Variants in PTPRO observed in about 807,000 individuals in gnomAD.
The protein encoded by PTPRO is receptor-type tyrosine-protein phosphatase O.
A neutral mutation model predicts 145.2 loss-of-function variants in PTPRO; 62 were observed. That is an observed-to-expected ratio of 0.43 (90% confidence interval 0.35 to 0.53). PTPRO has a LOEUF of 0.53. PTPRO is among the 20% of genes least tolerant of loss of function. PTPRO has a pLI of 0.01. For synonymous variants in PTPRO, 565 were observed against 514.7 expected (o/e 1.10, Z -1.32); for missense variants, 1,345 against 1,482.7 (o/e 0.91, Z 1.53).
At chr12:15,550,597 C>A (rs1210952444) in intron 14 of PTPRO, among the ~76,000 whole-genome samples, 1 of 152,138 alleles carries the variant, frequency 6.6e-6, no homozygotes, top group East Asian at 1.9e-4. Context: ...TGGCTTCTCT[C>A]CAAATAGCAG....
intron 1 of PTPRO, among the ~76,000 whole-genome samples, chr12:15,343,989 TAAAC>T (rs1158609905): frequency 6.6e-6 from 1 of 152,210 alleles, no homozygotes. Context: ...CGGCCATAAA[TAAAC>T]AATCTTTTTA....
At chr12:15,338,627 C>T (rs558690963) in intron 1 of PTPRO, among the ~76,000 whole-genome samples, 1 of 151,962 alleles carries the variant, frequency 6.6e-6, no homozygotes, top group South Asian at 2.1e-4. Context: ...TTCAGAGAAT[C>T]AGATAAAAAA....
intron 12 of PTPRO, among the ~76,000 whole-genome samples, chr12:15,545,241 C>G (rs1374579369): frequency 6.6e-6 from 1 of 151,752 alleles, no homozygotes; most frequent in Non-Finnish European, 1.5e-5. Flanking sequence ...AATGAAAAAT[C>G]CAAGTAACAA....
intron 1 of PTPRO, among the ~76,000 whole-genome samples, chr12:15,337,127 C>G (rs1420790790): frequency 6.6e-6 from 1 of 152,070 alleles, no homozygotes; most frequent in East Asian, 1.9e-4. Flanking sequence ...CAAGAAGAAA[C>G]GTTTTGTAGG....
At chr12:15,455,381 G>A (rs1941150643) in intron 1 of PTPRO, among the ~76,000 whole-genome samples, 2 of 151,584 alleles carry the variant, frequency 1.3e-5, no homozygotes, top group Non-Finnish European at 2.9e-5. Flanking sequence ...TTTCTCAATG[G>A]TATAACATTT....
chr12:15,379,090 A>G (rs1938775592), intron 1 of PTPRO, among the ~76,000 whole-genome samples: 1 of 152,176 alleles, frequency 6.6e-6, no homozygotes, highest in Non-Finnish European at 1.5e-5. Context: ...GAGAAGGTAA[A>G]ATAGTATGGC....
intron 1 of PTPRO, among the ~76,000 whole-genome samples, chr12:15,382,476 C>A (rs1938893252): frequency 1.3e-5 from 2 of 152,182 alleles, no homozygotes; most frequent in African/African-American, 4.8e-5. Flanking sequence ...GGAAGAATTT[C>A]AAAGCACAGG....
At chr12:15,516,426 AAGTGAGAAAGAGAGTGAGAAAGAAGAG>A (rs916319806) in intron 8 of PTPRO, among the ~76,000 whole-genome samples, 4 of 143,780 alleles carry the variant, frequency 2.8e-5, no homozygotes, top group Non-Finnish European at 6.2e-5. Context: ...AAAGGAGAAA[AAGTGAGAAAGAGAGTGAGAAAGAAGAG>A]AGTGAGAAAG....
chr12:15,432,616 A>T (rs555505048), intron 1 of PTPRO, among the ~76,000 whole-genome samples: 1 of 152,200 alleles, frequency 6.6e-6, no homozygotes, highest in Non-Finnish European at 1.5e-5. Flanking sequence ...TTACACCCCC[A>T]CCATCAATGT....
At chr12:15,357,155 T>G (rs1329785680) in intron 1 of PTPRO, among the ~76,000 whole-genome samples, 1 of 152,272 alleles carries the variant, frequency 6.6e-6, no homozygotes, top group Non-Finnish European at 1.5e-5. Flanking sequence ...GCAGCTCTGC[T>G]GCTGAAATAC....
intron 1 of PTPRO, among the ~76,000 whole-genome samples, chr12:15,455,407 A>G (rs1289480236): frequency 6.6e-6 from 1 of 152,042 alleles, no homozygotes; most frequent in African/African-American, 2.4e-5. Context: ...TTTGATAGGA[A>G]GTATGATAAA....
At chr12:15,367,681 A>G (rs1443391726) in intron 1 of PTPRO, among the ~76,000 whole-genome samples, 2 of 152,184 alleles carry the variant, frequency 1.3e-5, no homozygotes, top group Non-Finnish European at 2.9e-5. Flanking sequence ...GTTCTCCAGT[A>G]GTCTTCCCCA....
At chr12:15,402,762 C>T (rs900608410) in intron 1 of PTPRO, among the ~76,000 whole-genome samples, 3 of 152,018 alleles carry the variant, frequency 2.0e-5, no homozygotes, top group African/African-American at 7.2e-5. Flanking sequence ...GTTATTCTAA[C>T]TATTTAATAT....
intron 18 of PTPRO, among the ~76,000 whole-genome samples, chr12:15,566,758 T>C (rs1233566002): frequency 6.6e-6 from 1 of 152,146 alleles, no homozygotes; most frequent in Non-Finnish European, 1.5e-5. Context: ...TGACCTCATG[T>C]GATCCACCCT....
intron 15 of PTPRO, among the ~76,000 whole-genome samples, chr12:15,554,398 G>T (rs1943560346): frequency 1.3e-5 from 2 of 148,898 alleles, no homozygotes; most frequent in African/African-American, 5.1e-5. Flanking sequence ...ATTATATATA[G>T]ATATAGTGTG....
chr12:15,340,116 T>C (rs972491831), intron 1 of PTPRO, among the ~76,000 whole-genome samples: 1 of 152,154 alleles, frequency 6.6e-6, no homozygotes. Flanking sequence ...CCTAGGAACT[T>C]TATGTACATT....
At chr12:15,445,575 C>A (rs1387172657) in intron 1 of PTPRO, among the ~76,000 whole-genome samples, 1 of 152,096 alleles carries the variant, frequency 6.6e-6, no homozygotes, top group Non-Finnish European at 1.5e-5. Flanking sequence ...TGTGGCCTAA[C>A]CTAATGTTAA....
intron 18 of PTPRO, among the ~76,000 whole-genome samples, chr12:15,566,537 T>G (rs914881214): frequency 1.3e-5 from 2 of 152,130 alleles, no homozygotes; most frequent in Non-Finnish European, 2.9e-5. Context: ...TTTTATTTTT[T>G]GGAGATGAAG....
chr12:15,385,609 C>G (rs941666153), intron 1 of PTPRO, among the ~76,000 whole-genome samples: 4 of 151,936 alleles, frequency 2.6e-5, no homozygotes, highest in African/African-American at 9.7e-5. Context: ...GTCAGGAGAT[C>G]GAGACCATCC....
Sources: gnomAD v4.1 joint callset for allele counts (sites outside exome capture counted in the v4.1 genomes callset) on GRCh38, gnomAD v4.1.1 for gene constraint, MANE v1.5 for transcripts, NCBI Gene and HGNC (gene_info 2026-07-23, HGNC 2026-07-21) for gene names.